TTC8: variants seen among roughly 807,000 people sequenced by gnomAD.
TTC8 encodes the protein tetratricopeptide repeat protein 8.
TTC8 carries 47 observed loss-of-function variants against 72.5 expected under a neutral mutation model. The ratio of observed to expected loss-of-function variants is 0.65; its 90% CI spans 0.51 to 0.83. The LOEUF (loss-of-function observed/expected upper bound fraction) is 0.83. TTC8 is among the 40% of genes least tolerant of loss of function. The probability of loss-of-function intolerance (pLI) is 0.00; values close to 1 mark genes in which losing one functional copy is unlikely to be tolerated. For missense variants in TTC8, 611 were observed against 623.2 expected, an observed-to-expected ratio of 0.98 and a Z score of 0.21; for synonymous variants, 199 against 221.4, an observed-to-expected ratio of 0.90 and a Z score of 0.90.
intron 7 of TTC8, among the ~76,000 whole-genome samples, chr14:88,851,258 G>T (rs1022299814): frequency 4.6e-5 from 7 of 152,098 alleles, no homozygotes; most frequent in Non-Finnish European, 7.4e-5. Context: ...GTCCTTAGCA[G>T]CCTGAGTCTT....
In TTC8 at chr14:88,841,156, C is replaced by G; in HGVS notation, c.449C>G (p.Pro150Arg). 6.2e-7 allele frequency: 1 copy of G among 1,614,088 alleles called. No homozygotes were observed. The highest frequency in any genetic ancestry group is 1.3e-5 in the African/African-American group (1 of 75,018). The stretch of plus-strand genomic sequence containing the variant: ...CCCAGAACCGCCTACACAGCCCGCC[C>G]TATCACCAGCTCCTCCGGAAGATTT... ...RTPRTAYTARPITSSSGRFVR... is the reference protein window; with the variant it reads ...RTPRTAYTARRITSSSGRFVR... Residue 150 changes from proline to arginine, a missense_variant, in exon 5 of 15, where the codon CCT becomes CGT. By Grantham distance (103) the Pro-to-Arg change is moderately radical. Transcript: ENST00000380656.
At chr14:88,859,473 C>T (rs2094873508) in intron 9 of TTC8, among the ~76,000 whole-genome samples, 1 of 152,064 alleles carries the variant, frequency 6.6e-6, no homozygotes, top group Admixed American at 6.6e-5. Context: ...GATGAGAACA[C>T]ATGGACACAT....
chr14:88,867,344 GTAT>G (rs1395438923), intron 10 of TTC8, among the ~76,000 whole-genome samples: 2 of 152,162 alleles, frequency 1.3e-5, no homozygotes, highest in African/African-American at 2.4e-5. Flanking sequence ...CTATGCAGAA[GTAT>G]TATTTAAAAA....
chr14:88,872,179 G>C (rs943071294), intron 12 of TTC8, 151 bp from the exon 13 acceptor site: 2 of 1,198,140 alleles, frequency 1.7e-6, no homozygotes, highest in African/African-American at 3.0e-5. Context: ...ATATTCTTAG[G>C]TTAAATCCAC....
chr14:88,853,600 G>A (rs1014181478), intron 8 of TTC8, among the ~76,000 whole-genome samples: 3 of 152,158 alleles, frequency 2.0e-5, no homozygotes, highest in Admixed American at 6.5e-5. Flanking sequence ...CCAAATTCAC[G>A]TAACCAGTAA....
chr14:88,877,024 T>G (rs2094960108), intron 14 of TTC8, among the ~76,000 whole-genome samples: 1 of 152,148 alleles, frequency 6.6e-6, no homozygotes, highest in Non-Finnish European at 1.5e-5. Context: ...CAGCTAGAAA[T>G]TATTTATATA....
intron 10 of TTC8, among the ~76,000 whole-genome samples, chr14:88,866,987 G>A (rs1385700217): frequency 2.0e-5 from 3 of 152,076 alleles, no homozygotes; most frequent in Non-Finnish European, 4.4e-5. Context: ...CATAATTAAA[G>A]ATATAAAAAA....
chr14:88,863,188 G>C (rs2141020363), intron 10 of TTC8, among the ~76,000 whole-genome samples: 1 of 152,194 alleles, frequency 6.6e-6, no homozygotes, highest in South Asian at 2.1e-4. Context: ...TCTCCAGAAA[G>C]ATGGTGTGTT....
At chr14:88,836,490 TAAAA>T (rs5810432) in intron 2 of TTC8, among the ~76,000 whole-genome samples, 1 of 134,368 alleles carries the variant, frequency 7.4e-6, no homozygotes, top group Non-Finnish European at 1.6e-5. Flanking sequence ...GAGCCTGTCT[TAAAA>T]AAAAAAAAAA....
chr14:88,873,184 T>C (rs541143203), intron 13 of TTC8, among the ~76,000 whole-genome samples: 1 of 152,276 alleles, frequency 6.6e-6, no homozygotes, highest in African/African-American at 2.4e-5. Flanking sequence ...TCAGACCACA[T>C]CTTTTGCCAC....
intron 2 of TTC8, chr14:88,837,048 C>T: frequency 3.7e-6 from 1 of 273,066 alleles, no homozygotes; most frequent in South Asian, 3.0e-5. Flanking sequence ...GCAACAAGAG[C>T]AAAACTCCAT....
intron 14 of TTC8, among the ~76,000 whole-genome samples, chr14:88,876,664 A>G (rs1311100268): frequency 6.6e-6 from 1 of 152,182 alleles, no homozygotes; most frequent in Non-Finnish European, 1.5e-5. Context: ...CAGACAGTAT[A>G]TGTGTTTTTC....
chr14:88,871,441 A>G lies in TTC8; in HGVS notation c.1050-108A>G. 1 of 1,046,110 alleles carries G rather than the reference A, an allele frequency of 9.6e-7. No homozygotes were observed. Among genetic ancestry groups the G allele is most frequent in the Non-Finnish European group, 1.4e-6 (1 of 707,820 alleles). 64.8% of individuals were successfully genotyped at this position (1,046,110 alleles called of 1,614,324 possible). On this transcript the variant is annotated intron_variant, in intron 11 of 14. Coordinates refer to ENST00000380656, the MANE Select transcript of TTC8 (RefSeq NM_144596.4). This position sits in a 1 kb window ranked among gnomAD's most constrained non-coding sequence, Gnocchi z 4.1. ...GTATTTATATTCTTAAGGAGTATCA[A>G]AAATCACAAGATGAATTCATTTTTA...
In TTC8 at chr14:88,871,401, C is replaced by A; in HGVS notation, c.1050-148C>A. On this transcript the variant is annotated intron_variant, in intron 11 of 14. Transcript: ENST00000380656. This position sits in a 1 kb window ranked among gnomAD's most constrained non-coding sequence, Gnocchi z 4.1. ...TTTGTATTTGCTTTAAACATTTTTT[C>A]ATTTACTATAACACGTATTTATATT... 3 of 727,058 alleles carry A rather than the reference C, an allele frequency of 4.1e-6. No individual in the cohort carries two copies. The highest frequency in any genetic ancestry group is 5.5e-5 in the East Asian group (2 of 36,674). The allele number at this position is 727,058 out of a possible 1,614,324, so 45.0% of individuals were successfully genotyped here.
intron 1 of TTC8, among the ~76,000 whole-genome samples, chr14:88,825,981 AT>A (rs1240086509): frequency 2.7e-5 from 4 of 150,312 alleles, no homozygotes; most frequent in African/African-American, 7.4e-5. Flanking sequence ...AATTTTTTTT[AT>A]TTTTTTTTAT....
chr14:88,877,556 A>G lies in TTC8; in HGVS notation c.*146A>G. The G allele has an allele frequency of 1.5e-6, 1 of 672,356 alleles. No individual in the cohort carries two copies. 41.6% of individuals were successfully genotyped at this position (672,356 alleles called of 1,614,324 possible). ...TTAGTTAAGGTGACACATAAGGGTG[A>G]CACAGAATGTGTAATGCAAATTTCA... On this transcript the variant is annotated 3_prime_UTR_variant, in exon 15 of 15. Coordinates refer to ENST00000380656, the MANE Select transcript of TTC8 (RefSeq NM_144596.4).
rs1001706742 is a variant in TTC8, at chr14:88,824,685, C to A, written c.-23C>A. ...CCACCTCTCTCCTGGAGCGCTGGGC[C>A]TTCGCTGGCCGCACCGGCAGCCATG... On this transcript the variant is annotated 5_prime_UTR_variant, in exon 1 of 15. Transcript: ENST00000380656. 6.3e-7 allele frequency: 1 copy of A among 1,578,384 alleles called. No homozygotes were observed. Among genetic ancestry groups the A allele is most frequent in the African/African-American group, 1.3e-5 (1 of 74,332 alleles).
At chr14:88,825,940 T>C (rs1236715362) in intron 1 of TTC8, among the ~76,000 whole-genome samples, 2 of 152,236 alleles carry the variant, frequency 1.3e-5, no homozygotes, top group Non-Finnish European at 2.9e-5. Flanking sequence ...ACTATATTTC[T>C]GTAGACAAGC....
chr14:88,824,727 C>T lies in TTC8; in HGVS notation c.20C>T (p.Pro7Leu), dbSNP rs1412165076. 5.6e-6 allele frequency: 9 copies of T among 1,610,250 alleles called. No individual in the cohort carries two copies. Among genetic ancestry groups the T allele is most frequent in the Non-Finnish European group, 7.6e-6 (9 of 1,178,632 alleles). The stretch of plus-strand genomic sequence containing the variant: ...GCAGCCATGAGCTCGGAGATGGAGC[C>T]GCTGCTCCTGGCCTGGAGCTATTTT... MSSEME[P>L]LLLAWSYFRR... is the part of the protein sequence containing the mutation. The change falls in exon 1 of 15, where the codon CCG becomes CTG. Residue 7 changes from proline (P) to leucine (L), a missense_variant. Coordinates refer to ENST00000380656, the MANE Select transcript of TTC8 (RefSeq NM_144596.4).
Sources: allele counts gnomAD v4.1 joint callset (sites outside exome capture counted in the v4.1 genomes callset), GRCh38; gene constraint gnomAD v4.1.1; non-coding constraint Gnocchi (gnomAD v3.1); transcripts MANE v1.5; gene names NCBI Gene and HGNC (gene_info 2026-07-23, HGNC 2026-07-21).